SLC24A2: variants seen among roughly 807,000 people sequenced by gnomAD.
SLC24A2 encodes sodium/potassium/calcium exchanger 2.
SLC24A2 carries 36 observed loss-of-function variants against 62.0 expected under a neutral mutation model. That is an observed-to-expected ratio of 0.58 (90% CI 0.44 to 0.77). The LOEUF is 0.77. SLC24A2 is among the 30% of genes least tolerant of loss of function. The probability of loss-of-function intolerance (pLI) is 0.00; values close to 1 mark genes in which losing one functional copy is unlikely to be tolerated. For synonymous variants in SLC24A2, 358 were observed against 294.0 expected (o/e 1.22, Z -2.23); for missense variants, 846 against 817.9 (o/e 1.03, Z -0.42).
Position 19,788,915 on chromosome 9 carries a change from G to T in SLC24A2, c.-184C>A, listed in dbSNP as rs997132837. The T allele has an allele frequency of 4.1e-6, 4 of 985,012 alleles. No homozygotes were observed. Among genetic ancestry groups the T allele is most frequent in the Non-Finnish European group, 4.8e-6 (4 of 829,688 alleles). The allele number at this position is 985,012 out of a possible 1,614,324, so 61.0% of individuals were successfully genotyped here. On this transcript the variant is annotated 5_prime_UTR_variant, in exon 1 of 11. Transcript: ENST00000341998. ...TAAGATGGGAGGACGCGCACACGGCGGGGCCCCCGAGCGCGGCCCGCCGCT... is the reference window on the plus strand; with the variant it reads ...TAAGATGGGAGGACGCGCACACGGCTGGGCCCCCGAGCGCGGCCCGCCGCT...
chr9:20,042,565 G>A, the SLC24A2 span, among the ~76,000 whole-genome samples: 1 of 152,176 alleles, frequency 6.6e-6, no homozygotes, highest in Non-Finnish European at 1.5e-5. Context: ...CCTTCCTTCT[G>A]GGTCCTAGGC....
the SLC24A2 span, among the ~76,000 whole-genome samples, chr9:20,099,838 T>C: frequency 8.6e-5 from 13 of 151,958 alleles, no homozygotes; most frequent in South Asian, 6.2e-4. Flanking sequence ...TCAATAAGGA[T>C]TTTTTTTCTC....
At chr9:19,722,904 C>G (rs77047067) in intron 2 of SLC24A2, among the ~76,000 whole-genome samples, 1 of 152,044 alleles carries the variant, frequency 6.6e-6, no homozygotes, top group Non-Finnish European at 1.5e-5. Context: ...TATGGAAAGA[C>G]AGATTTTGAC....
intron 2 of SLC24A2, among the ~76,000 whole-genome samples, chr9:19,774,473 C>A (rs1354088215): frequency 1.3e-5 from 2 of 152,052 alleles, no homozygotes; most frequent in South Asian, 2.1e-4. Flanking sequence ...CTGGAATACA[C>A]CAATATTCAA....
the SLC24A2 span, among the ~76,000 whole-genome samples, chr9:20,273,766 C>A: frequency 1.3e-5 from 2 of 152,078 alleles, no homozygotes; most frequent in African/African-American, 4.8e-5. Flanking sequence ...CACCAAGTTT[C>A]CCCAGTTCAA....
At chr9:19,864,363 A>G in the SLC24A2 span, among the ~76,000 whole-genome samples, 2 of 151,936 alleles carry the variant, frequency 1.3e-5, no homozygotes, top group South Asian at 2.1e-4. Context: ...CAAGACAAAG[A>G]ACCAGAAAAA....
chr9:20,008,034 T>G, the SLC24A2 span, among the ~76,000 whole-genome samples: 5 of 151,872 alleles, frequency 3.3e-5, no homozygotes, highest in African/African-American at 1.2e-4. Flanking sequence ...TAGCTGAGAC[T>G]ACAGGTGCGC....
At chr9:19,908,077 T>C in the SLC24A2 span, among the ~76,000 whole-genome samples, 1 of 152,174 alleles carries the variant, frequency 6.6e-6, no homozygotes, top group African/African-American at 2.4e-5. Flanking sequence ...TTACCTGACT[T>C]CAAACTATAC....
chr9:19,590,358 GA>G lies in SLC24A2; in HGVS notation c.1129+6870del, dbSNP rs1417595335. 9.2e-5 allele frequency among the ~76,000 whole-genome samples: 14 copies of G among 151,560 alleles called. No homozygotes were observed. The South Asian group carries it at 2.9e-3, about 32-fold the overall frequency. ...CCTAGATCCTTCACCTTTTTTTTCTGAAAATTCTCTTTGTCTTCTTGCTCCT... is the reference window on the plus strand; with the variant it reads ...CCTAGATCCTTCACCTTTTTTTTCTGAAATTCTCTTTGTCTTCTTGCTCCT... On this transcript the variant is annotated intron_variant, in intron 5 of 10. Coordinates refer to ENST00000341998, the MANE Select transcript of SLC24A2 (RefSeq NM_020344.4).
At chr9:20,063,566 G>A in the SLC24A2 span, among the ~76,000 whole-genome samples, 26 of 151,854 alleles carry the variant, frequency 1.7e-4, no homozygotes, top group African/African-American at 4.6e-4. Flanking sequence ...TGGGTGCAGC[G>A]CATCAGCATG....
chr9:20,186,357 T>C, the SLC24A2 span, among the ~76,000 whole-genome samples: 1 of 152,226 alleles, frequency 6.6e-6, no homozygotes, highest in Non-Finnish European at 1.5e-5. Flanking sequence ...CTGACCATTC[T>C]GACTGAGATA....
At chr9:20,094,657 C>T in the SLC24A2 span, among the ~76,000 whole-genome samples, 1 of 152,044 alleles carries the variant, frequency 6.6e-6, no homozygotes, top group Non-Finnish European at 1.5e-5. Flanking sequence ...TTTCACCTTA[C>T]ACAGAATAAT....
At chr9:20,032,355 A>T in the SLC24A2 span, among the ~76,000 whole-genome samples, 1 of 152,252 alleles carries the variant, frequency 6.6e-6, no homozygotes, top group East Asian at 1.9e-4. Context: ...GTTTGCAGGG[A>T]AAAGAAGGAT....
chr9:20,204,097 T>A, the SLC24A2 span, among the ~76,000 whole-genome samples: 1 of 152,346 alleles, frequency 6.6e-6, no homozygotes, highest in African/African-American at 2.4e-5. Flanking sequence ...TAAATTCAGA[T>A]GTAATGAACT....
the SLC24A2 span, among the ~76,000 whole-genome samples, chr9:20,301,790 G>T: frequency 6.6e-6 from 1 of 152,084 alleles, no homozygotes; most frequent in African/African-American, 2.4e-5. Flanking sequence ...TTCACTCTTG[G>T]TGTTGTACAT....
chr9:20,261,319 G>A, the SLC24A2 span, among the ~76,000 whole-genome samples: 1 of 152,176 alleles, frequency 6.6e-6, no homozygotes, highest in African/African-American at 2.4e-5. Context: ...CATGGTTGTG[G>A]AGGCTGGGAA....
At chr9:20,229,958 G>T in the SLC24A2 span, among the ~76,000 whole-genome samples, 3 of 141,430 alleles carry the variant, frequency 2.1e-5, no homozygotes, top group African/African-American at 2.7e-5. Flanking sequence ...TGTTCAATTC[G>T]CACCTATGAG....
At chr9:19,653,014 G>C (rs538886044) in intron 2 of SLC24A2, among the ~76,000 whole-genome samples, 17 of 152,206 alleles carry the variant, frequency 1.1e-4, no homozygotes, top group African/African-American at 4.1e-4. Flanking sequence ...CATCTTACTT[G>C]GCTTTGGTTT....
the SLC24A2 span, among the ~76,000 whole-genome samples, chr9:19,903,092 G>T: frequency 4.6e-5 from 7 of 150,834 alleles, no homozygotes; most frequent in Non-Finnish European, 8.8e-5. Flanking sequence ...CCCATTATCA[G>T]ATCGAGTGCC....
Sources: allele counts gnomAD v4.1 joint callset (sites outside exome capture counted in the v4.1 genomes callset), GRCh38; gene constraint gnomAD v4.1.1; transcripts MANE v1.5; gene names NCBI Gene and HGNC (gene_info 2026-07-23, HGNC 2026-07-21).